TACC1: variants seen among roughly 807,000 people sequenced by gnomAD.
TACC1 encodes transforming acidic coiled-coil-containing protein 1.
In TACC1, 48 loss-of-function variants were observed where a neutral mutation model predicts 84.4. That is an observed-to-expected ratio of 0.57 (90% CI 0.45 to 0.72). TACC1 has a LOEUF of 0.72. Among genes scored for constraint, TACC1 ranks in the 30% least tolerant of loss-of-function variants. TACC1 has a pLI of 0.00. For synonymous variants in TACC1, 372 were observed against 376.3 expected, an observed-to-expected ratio of 0.99 and a Z score of 0.13; for missense variants, 920 against 973.0, an observed-to-expected ratio of 0.95 and a Z score of 0.72.
At chr8:38,769,167 A>ATATG in intron 3 of TACC1, among the ~76,000 whole-genome samples, 1 of 110,192 alleles carries the variant, frequency 9.1e-6, no homozygotes, top group Admixed American at 9.2e-5. Flanking sequence ...GTGTGTGTGT[A>ATATG]TGAGACTGTG....
At chr8:38,833,966 G>GT (rs1206913846) in intron 6 of TACC1, among the ~76,000 whole-genome samples, 1 of 152,182 alleles carries the variant, frequency 6.6e-6, no homozygotes, top group African/African-American at 2.4e-5. Context: ...GCAAGTAAAA[G>GT]TTTCTTGATA....
chr8:38,848,124 A>G lies in TACC1; in HGVS notation c.*101A>G. On this transcript the variant is annotated 3_prime_UTR_variant, in exon 13 of 13. Transcript: ENST00000317827. The stretch of plus-strand genomic sequence containing the variant: ...GGAATAATTGCCCCTTTGCAGAGAA[A>G]AAAAAAAACTTAAAAAAAGCACATG... 8.4e-7 allele frequency: 1 copy of G among 1,195,862 alleles called. No individual in the cohort carries two copies. The highest frequency in any genetic ancestry group is 2.5e-5 in the Admixed American group (1 of 40,134). 74.1% of individuals were successfully genotyped at this position (1,195,862 alleles called of 1,614,324 possible).
At chr8:38,758,006 G>A (rs1810451096) in intron 3 of TACC1, among the ~76,000 whole-genome samples, 1 of 152,198 alleles carries the variant, frequency 6.6e-6, no homozygotes, top group East Asian at 1.9e-4. Flanking sequence ...TGAAGGGAAA[G>A]TTTTAGAGAA....
At chr8:38,739,047 T>A (rs1158286820) in intron 1 of TACC1, among the ~76,000 whole-genome samples, 1 of 152,138 alleles carries the variant, frequency 6.6e-6, no homozygotes, top group Non-Finnish European at 1.5e-5. Flanking sequence ...CCTGCCAACA[T>A]GCCCGGCTAA....
chr8:38,823,565 G>A (rs928829174), intron 3 of TACC1, among the ~76,000 whole-genome samples: 1 of 152,152 alleles, frequency 6.6e-6, no homozygotes. Flanking sequence ...ACCGTCTCTC[G>A]AGTCCTGCCA....
At chr8:38,768,656 G>A (rs200354920) in intron 3 of TACC1, among the ~76,000 whole-genome samples, 8,391 of 142,836 alleles carry the variant, frequency 0.059, 301 homozygotes, top group Non-Finnish European at 0.086. Flanking sequence ...TGAAGTGCTT[G>A]AGGAGTGTGT....
At chr8:38,838,342 T>C in intron 7 of TACC1, 128 bp from the exon 8 acceptor site, 1 of 625,940 alleles carries the variant, frequency 1.6e-6, no homozygotes, top group Admixed American at 2.7e-5. Context: ...AAACATTTAA[T>C]ATTGAAGTTT....
intron 5 of TACC1, 34 bp downstream of exon 5, chr8:38,827,409 A>T: frequency 6.2e-7 from 1 of 1,607,330 alleles, no homozygotes; most frequent in Non-Finnish European, 8.5e-7. Flanking sequence ...TCTAATGTAC[A>T]TAAGCATGGA....
At position 38,819,834 on chromosome 8, in the gene TACC1, C is replaced by T. The variant is rs1428052689; in HGVS notation, c.590C>T (p.Thr197Ile). The change falls in exon 3 of 13, where the codon ACA (threonine) becomes ATA (isoleucine). Residue 197 changes from threonine to isoleucine, a missense_variant. Coordinates refer to ENST00000317827, the MANE Select transcript of TACC1 (RefSeq NM_006283.3). ...PPDALQDEAMTEGSMGVTLEA... is the reference protein window; with the variant it reads ...PPDALQDEAMIEGSMGVTLEA... Reference sequence around the variant, plus strand: ...GACGCCCTCCAGGACGAGGCGATGACAGAAGGCAGCATGGGGGTCACCCTC... The same window carrying T: ...GACGCCCTCCAGGACGAGGCGATGATAGAAGGCAGCATGGGGGTCACCCTC... 4 of 1,613,924 alleles carry T rather than the reference C, an allele frequency of 2.5e-6. No homozygotes were observed. The Admixed American group carries it at 5.0e-5, about 20-fold the overall frequency.
At chr8:38,767,490 T>C (rs1812464570) in intron 3 of TACC1, among the ~76,000 whole-genome samples, 1 of 152,194 alleles carries the variant, frequency 6.6e-6, no homozygotes, top group African/African-American at 2.4e-5. Context: ...AAGAGATGTG[T>C]GCAAATTTCA....
At position 38,787,539 on chromosome 8, in the gene TACC1, C is replaced by G; in HGVS notation, c.-44C>G. The stretch of plus-strand genomic sequence containing the variant: ...TGAAAGGGAAAAAGGCTCTCCCCAC[C>G]CATTCCCCTGCCCCTAGGAGCTGGA... On this transcript the variant is annotated 5_prime_UTR_variant, in exon 1 of 13. Transcript: ENST00000317827. 6.7e-7 allele frequency: 1 copy of G among 1,493,792 alleles called. No homozygotes were observed. The highest frequency in any genetic ancestry group is 1.3e-5 in the South Asian group (1 of 78,366). 92.5% of individuals were successfully genotyped at this position (1,493,792 alleles called of 1,614,324 possible).
intron 2 of TACC1, among the ~76,000 whole-genome samples, chr8:38,817,297 G>A (rs186044228): frequency 9.3e-4 from 142 of 152,242 alleles, no homozygotes; most frequent in Middle Eastern, 3.4e-3. Flanking sequence ...GTCTGCCTCC[G>A]CATCATCAGC....
intron 2 of TACC1, among the ~76,000 whole-genome samples, chr8:38,792,707 C>T (rs895366357): frequency 3.7e-4 from 57 of 152,268 alleles, no homozygotes; most frequent in African/African-American, 1.3e-3. Flanking sequence ...CCTCGTGATC[C>T]GCCCGCCTTG....
At position 38,845,260 on chromosome 8, in the gene TACC1, C is replaced by G. The variant is rs191382084; in HGVS notation, c.2229-1439C>G. On this transcript the variant is annotated intron_variant, in intron 11 of 12. Coordinates refer to ENST00000317827, the MANE Select transcript of TACC1 (RefSeq NM_006283.3). ...CTTTTTAACTAAAAGGTAATACATGCTTGTACATTTTGCTGCCTAAATTTC... is the reference window on the plus strand; with the variant it reads ...CTTTTTAACTAAAAGGTAATACATGGTTGTACATTTTGCTGCCTAAATTTC... 9.5e-4 allele frequency among the ~76,000 whole-genome samples: 144 copies of G among 152,264 alleles called. 1 individual carries two copies. The highest frequency in any genetic ancestry group is 3.2e-3 in the African/African-American group (134 of 41,550).
At chr8:38,803,719 G>C (rs1821976688) in intron 2 of TACC1, among the ~76,000 whole-genome samples, 1 of 151,658 alleles carries the variant, frequency 6.6e-6, no homozygotes, top group Non-Finnish European at 1.5e-5. Flanking sequence ...CTGGTCTGTA[G>C]TTTTTTTTTC....
At chr8:38,750,435 A>G (rs1190913861) in intron 3 of TACC1, among the ~76,000 whole-genome samples, 1 of 152,210 alleles carries the variant, frequency 6.6e-6, no homozygotes, top group East Asian at 1.9e-4. Context: ...CATCATTTTT[A>G]TTTAACTTAA....
rs541699076 is a variant in TACC1 at position 38,780,612 on chromosome 8, GT to G, written c.27-8090del. On this transcript the variant is annotated intron_variant, in intron 3 of 14. Coordinates refer to the TACC1 transcript ENST00000518415. ...GACTAGTCTATTCTTCACTCTTCTT[GT>G]TGGTGTTGTTTTTTTTTGTTTTTTT... Among the ~76,000 whole-genome samples, 347 of 148,754 alleles carry G rather than the reference GT, an allele frequency of 2.3e-3. 2 individuals are homozygous for G. The highest frequency in any genetic ancestry group is 8.0e-3 in the African/African-American group (326 of 40,594).
chr8:38,834,268 G>A (rs1446142651), intron 6 of TACC1, among the ~76,000 whole-genome samples: 2 of 152,228 alleles, frequency 1.3e-5, no homozygotes, highest in African/African-American at 4.8e-5. Context: ...GTCCCCACTG[G>A]CTATTGGCAG....
At chr8:38,837,326 G>T (rs962313367) in intron 7 of TACC1, among the ~76,000 whole-genome samples, 1 of 151,988 alleles carries the variant, frequency 6.6e-6, no homozygotes, top group South Asian at 2.1e-4. Flanking sequence ...GGGAGGCTGA[G>T]GTGGGAGAAT....
Sources: allele counts gnomAD v4.1 joint callset (sites outside exome capture counted in the v4.1 genomes callset), GRCh38; gene constraint gnomAD v4.1.1; transcripts MANE v1.5; gene names NCBI Gene and HGNC (gene_info 2026-07-23, HGNC 2026-07-21).